Variants in NRXN3 observed in about 807,000 individuals in gnomAD.
NRXN3 encodes the protein neurexin III.
Under a neutral mutation model 137.6 loss-of-function variants are expected in NRXN3, and 32 were observed. That is an observed-to-expected ratio of 0.23 (90% CI 0.18 to 0.31). The LOEUF (loss-of-function observed/expected upper bound fraction) is 0.31. Ranked by LOEUF, NRXN3 falls within the 10% of genes least tolerant of loss-of-function variation. The probability of loss-of-function intolerance (pLI) is 1.00; values close to 1 mark genes in which losing one functional copy is unlikely to be tolerated. For synonymous variants in NRXN3, 798 were observed against 784.5 expected (o/e 1.02, Z -0.29); for missense variants, 1,574 against 2,062.5 (o/e 0.76, Z 4.59).
At chr14:78,476,258 T>C (rs1256135656) in intron 4 of NRXN3, among the ~76,000 whole-genome samples, 1 of 152,204 alleles carries the variant, frequency 6.6e-6, no homozygotes, top group Non-Finnish European at 1.5e-5. Context: ...AAGAAACATA[T>C]GAGATAGTGA....
intron 15 of NRXN3, among the ~76,000 whole-genome samples, chr14:79,094,419 A>G (rs148854153): frequency 7.6e-4 from 116 of 152,340 alleles, no homozygotes; most frequent in African/African-American, 2.6e-3. Context: ...GTGCATTTTT[A>G]AAGCAACCCT....
At chr14:78,624,510 GGGGC>G (rs2097435686) in intron 4 of NRXN3, among the ~76,000 whole-genome samples, 1 of 152,234 alleles carries the variant, frequency 6.6e-6, no homozygotes, top group South Asian at 2.1e-4. Flanking sequence ...CCACTGCACA[GGGGC>G]GGGGCCAGGT....
At chr14:79,615,270 G>A (rs1361090064) in intron 16 of NRXN3, among the ~76,000 whole-genome samples, 2 of 152,170 alleles carry the variant, frequency 1.3e-5, no homozygotes, top group East Asian at 3.9e-4. Flanking sequence ...AATGATAAAT[G>A]CATCTTCAAG....
At chr14:79,511,097 G>C (rs1239796213) in intron 16 of NRXN3, among the ~76,000 whole-genome samples, 2 of 152,180 alleles carry the variant, frequency 1.3e-5, no homozygotes, top group Non-Finnish European at 2.9e-5. Context: ...AGACCAAAAA[G>C]ACAGGGACAA....
intron 15 of NRXN3, among the ~76,000 whole-genome samples, chr14:79,319,475 A>G (rs2089580538): frequency 6.6e-6 from 1 of 152,248 alleles, no homozygotes; most frequent in Non-Finnish European, 1.5e-5. Context: ...AGAAAGAGAA[A>G]TAAATTAACA....
chr14:79,272,947 C>T (rs148932373), intron 15 of NRXN3, among the ~76,000 whole-genome samples: 4,469 of 151,994 alleles, frequency 0.029, 186 homozygotes, highest in African/African-American at 0.1. Flanking sequence ...CCAAGACGAG[C>T]GGATCACGAG....
chr14:78,434,693 C>T (rs1022751677), intron 4 of NRXN3, among the ~76,000 whole-genome samples: 1 of 152,138 alleles, frequency 6.6e-6, no homozygotes, highest in Admixed American at 6.6e-5. Flanking sequence ...GATACCTGCT[C>T]AGAGGGATGT....
chr14:79,212,797 C>G (rs1415045421), intron 15 of NRXN3, among the ~76,000 whole-genome samples: 1 of 151,780 alleles, frequency 6.6e-6, no homozygotes, highest in Non-Finnish European at 1.5e-5. Context: ...AAAATCCTCA[C>G]TCATATTTTG....
intron 14 of NRXN3, among the ~76,000 whole-genome samples, chr14:78,972,386 C>A (rs753192091): frequency 6.6e-6 from 1 of 152,150 alleles, no homozygotes; most frequent in African/African-American, 2.4e-5. Flanking sequence ...CCCAAATCAC[C>A]GTGATCCAAA....
At chr14:78,700,072 C>G (rs1216061671) in intron 6 of NRXN3, among the ~76,000 whole-genome samples, 1 of 152,180 alleles carries the variant, frequency 6.6e-6, no homozygotes, top group Non-Finnish European at 1.5e-5. Flanking sequence ...ATATCTCACT[C>G]CAATTTTGAT....
chr14:78,726,469 T>G (rs2098483940), intron 8 of NRXN3, among the ~76,000 whole-genome samples: 1 of 8,132 alleles, frequency 1.2e-4, no homozygotes, highest in African/African-American at 2.5e-4. Flanking sequence ...AAACACTCTT[T>G]TTTAATTGTG....
intron 15 of NRXN3, among the ~76,000 whole-genome samples, chr14:79,462,027 T>G (rs2096350670): frequency 6.6e-6 from 1 of 152,182 alleles, no homozygotes; most frequent in South Asian, 2.1e-4. Context: ...ACTTAATTTA[T>G]TGTTCTACTT....
intron 20 of NRXN3, among the ~76,000 whole-genome samples, chr14:79,831,080 C>T (rs1276183351): frequency 1.3e-5 from 2 of 151,198 alleles, no homozygotes; most frequent in Non-Finnish European, 1.5e-5. Flanking sequence ...ATAGAGACCA[C>T]CAGGAAATCA....
chr14:78,803,458 C>T (rs190578568), intron 8 of NRXN3, among the ~76,000 whole-genome samples, 162 bp from the exon 9 acceptor site: 1 of 152,220 alleles, frequency 6.6e-6, no homozygotes, highest in East Asian at 1.9e-4. Context: ...GTCTGCCCAG[C>T]GTCACACAGA....
At chr14:78,191,956 G>C (rs1195936510) in intron 1 of NRXN3, among the ~76,000 whole-genome samples, 2 of 152,084 alleles carry the variant, frequency 1.3e-5, no homozygotes, top group Non-Finnish European at 2.9e-5. Flanking sequence ...GATCATGCCA[G>C]CTGGGCCAGT....
Position 79,663,879 on chromosome 14 carries a change from C to T in NRXN3, c.3546C>T (p.Arg1182=), listed in dbSNP as rs1415075272. The part of the protein sequence containing the change: ...PVNDGKYHVV[R]FTRNGGNATL... ...ATGACGGCAAATACCATGTGGTACG[C>T]TTCACCAGGAACGGCGGCAACGCCA... Residue 1182 remains arginine, a synonymous_variant, in exon 17 of 21, where the codon CGC becomes CGT. Coordinates refer to ENST00000335750, the MANE Select transcript of NRXN3 (RefSeq NM_001330195.2). The T allele has an allele frequency of 1.2e-6, 2 of 1,613,606 alleles. No individual in the cohort carries two copies. The highest frequency in any genetic ancestry group is 1.7e-4 in the Middle Eastern group (1 of 6,058).
intron 15 of NRXN3, among the ~76,000 whole-genome samples, chr14:79,438,774 T>G (rs1405333712): frequency 6.6e-6 from 1 of 152,228 alleles, no homozygotes; most frequent in Non-Finnish European, 1.5e-5. Context: ...GGAAAAGACT[T>G]TGTTTATGCC....
At chr14:79,478,502 C>T (rs111730166) in intron 16 of NRXN3, among the ~76,000 whole-genome samples, 65 of 152,124 alleles carry the variant, frequency 4.3e-4, no homozygotes, top group African/African-American at 1.4e-3. Flanking sequence ...TTCTCTGTCA[C>T]GGGCATCATT....
chr14:78,701,584 C>T (rs2098279745), intron 6 of NRXN3, among the ~76,000 whole-genome samples: 2 of 152,172 alleles, frequency 1.3e-5, no homozygotes, highest in Admixed American at 6.5e-5. Flanking sequence ...CCATATGTCC[C>T]TTTTATATTT....
Sources: allele counts gnomAD v4.1 joint callset (sites outside exome capture counted in the v4.1 genomes callset), GRCh38; gene constraint gnomAD v4.1.1; transcripts MANE v1.5; gene names NCBI Gene and HGNC (gene_info 2026-07-23, HGNC 2026-07-21).